Variants in DLG2 observed in about 807,000 individuals in gnomAD.
DLG2 encodes disks large homolog 2.
A neutral mutation model predicts 132.5 loss-of-function variants in DLG2; 45 were observed. The observed-to-expected ratio is 0.34, with a 90% CI of 0.27 to 0.44. The LOEUF (loss-of-function observed/expected upper bound fraction) is 0.44. Among genes scored for constraint, DLG2 ranks in the 20% least tolerant of loss-of-function variants. The pLI, the probability that DLG2 is intolerant of heterozygous loss-of-function variation, is 1.00. For missense variants in DLG2, 1,045 were observed against 1,196.9 expected (o/e 0.87, Z 1.87); for synonymous variants, 424 against 419.6 (o/e 1.01, Z -0.13).
intron 15 of DLG2, among the ~76,000 whole-genome samples, chr11:83,894,011 A>T (rs1384750): frequency 6.6e-6 from 1 of 152,178 alleles, no homozygotes; most frequent in African/African-American, 2.4e-5. Flanking sequence ...TCCAAACTTT[A>T]TCAAGGCATA....
intron 7 of DLG2, among the ~76,000 whole-genome samples, chr11:84,459,654 T>C (rs1022472056): frequency 5.3e-5 from 8 of 150,744 alleles, no homozygotes; most frequent in Non-Finnish European, 1.0e-4. Flanking sequence ...TGTAGTTTTA[T>C]TCATCTATAT....
intron 5 of DLG2, among the ~76,000 whole-genome samples, chr11:85,119,382 T>A (rs1054032007): frequency 5.9e-5 from 9 of 152,054 alleles, no homozygotes; most frequent in Middle Eastern, 3.2e-3. Context: ...AAGTTTGAGT[T>A]ATTACTATGC....
intron 15 of DLG2, among the ~76,000 whole-genome samples, chr11:83,906,257 TCACACACA>T (rs540642615): frequency 0.034 from 2,266 of 66,730 alleles, 133 homozygotes; most frequent in African/African-American, 0.066. Flanking sequence ...TCTCTCTCTC[TCACACACA>T]CACACACACA....
chr11:85,602,365 T>C (rs904704617), intron 2 of DLG2, among the ~76,000 whole-genome samples: 1 of 152,186 alleles, frequency 6.6e-6, no homozygotes, highest in African/African-American at 2.4e-5. Context: ...GCTGTCACCT[T>C]TGCCCTCCTA....
At chr11:83,505,885 T>C (rs2094672675) in intron 21 of DLG2, among the ~76,000 whole-genome samples, 1 of 152,186 alleles carries the variant, frequency 6.6e-6, no homozygotes. Flanking sequence ...CCCAGTCTTC[T>C]CTTCCTCTGT....
intron 18 of DLG2, among the ~76,000 whole-genome samples, chr11:83,729,602 G>C (rs2090622464): frequency 6.6e-6 from 1 of 152,076 alleles, no homozygotes; most frequent in Non-Finnish European, 1.5e-5. Context: ...AAACCAGCTG[G>C]ACCAGCCTTC....
At chr11:83,652,407 G>A (rs958027049) in intron 18 of DLG2, among the ~76,000 whole-genome samples, 8 of 152,208 alleles carry the variant, frequency 5.3e-5, no homozygotes, top group Admixed American at 5.2e-4. Context: ...GTCTCGCTCT[G>A]TCACCCAGGC....
chr11:84,907,463 T>C lies in DLG2; in HGVS notation c.357+204198A>G, dbSNP rs2091640820. The stretch of plus-strand genomic sequence containing the variant: ...ACAGTTCAATTAAACTAATATTTAC[T>C]GCAGGCCTAACATGTGCCTGATGCT... On this transcript the variant is annotated intron_variant, in intron 6 of 27. Coordinates refer to ENST00000376104, the MANE Select transcript of DLG2 (RefSeq NM_001142699.3). Among the ~76,000 whole-genome samples the C allele has an allele frequency of 1.3e-5, 2 of 152,296 alleles. 1 individual carries two copies. The highest frequency in any genetic ancestry group is 4.2e-4 in the South Asian group (2 of 4,816).
intron 11 of DLG2, among the ~76,000 whole-genome samples, chr11:84,038,018 T>A (rs12283683): frequency 0.1 from 15,498 of 152,070 alleles, 1,058 homozygotes; most frequent in African/African-American, 0.19. Flanking sequence ...AGGTTTGTTA[T>A]CTATGTAAAT....
At chr11:85,319,830 T>C (rs2080934238) in intron 3 of DLG2, among the ~76,000 whole-genome samples, 1 of 151,814 alleles carries the variant, frequency 6.6e-6, no homozygotes, top group Admixed American at 6.6e-5. Flanking sequence ...ACCTTCTCAA[T>C]TGCAACTTAA....
At chr11:85,513,874 G>T (rs2094125126) in intron 3 of DLG2, among the ~76,000 whole-genome samples, 1 of 151,896 alleles carries the variant, frequency 6.6e-6, no homozygotes. Context: ...AATCTGATTA[G>T]TTACCAAGTC....
intron 6 of DLG2, among the ~76,000 whole-genome samples, chr11:84,650,100 C>T (rs1469396910): frequency 3.3e-5 from 5 of 152,202 alleles, no homozygotes; most frequent in Admixed American, 6.5e-5. Context: ...TAATGTACCC[C>T]ATGAGCTGAA....
intron 6 of DLG2, among the ~76,000 whole-genome samples, chr11:84,884,732 C>T (rs2087942398): frequency 1.3e-5 from 2 of 151,902 alleles, no homozygotes; most frequent in South Asian, 4.1e-4. Flanking sequence ...CCAGGGGATA[C>T]AGTATTGCCT....
intron 6 of DLG2, among the ~76,000 whole-genome samples, chr11:84,657,286 G>A (rs187636092): frequency 6.6e-6 from 1 of 152,258 alleles, no homozygotes; most frequent in East Asian, 1.9e-4. Context: ...CTAAAAATGT[G>A]TGAGATAATC....
At chr11:85,298,760 A>G (rs1332923808) in intron 3 of DLG2, among the ~76,000 whole-genome samples, 1 of 152,118 alleles carries the variant, frequency 6.6e-6, no homozygotes, top group Non-Finnish European at 1.5e-5. Flanking sequence ...TCCCAATATT[A>G]CCATCTGATT....
intron 14 of DLG2, among the ~76,000 whole-genome samples, chr11:83,954,236 C>T (rs2086231171): frequency 6.6e-6 from 1 of 152,118 alleles, no homozygotes; most frequent in Non-Finnish European, 1.5e-5. Flanking sequence ...GGATGTTCCC[C>T]TTGAATTAAG....
intron 6 of DLG2, among the ~76,000 whole-genome samples, chr11:84,942,362 T>C (rs914556749): frequency 2.0e-5 from 3 of 152,314 alleles, no homozygotes; most frequent in African/African-American, 7.2e-5. Context: ...GTAAGAGTTA[T>C]TGCTATAAAC....
At chr11:84,373,465 G>C (rs1450305440) in intron 7 of DLG2, among the ~76,000 whole-genome samples, 1 of 151,940 alleles carries the variant, frequency 6.6e-6, no homozygotes, top group Non-Finnish European at 1.5e-5. Flanking sequence ...AGCTACTCAG[G>C]AGGCTGACGC....
chr11:84,596,190 GTC>G (rs59824224), intron 6 of DLG2, among the ~76,000 whole-genome samples: 399 of 144,450 alleles, frequency 2.8e-3, no homozygotes, highest in Middle Eastern at 0.011. Flanking sequence ...TCTTTTCTCT[GTC>G]TCTCTCTCTC....
Sources: gnomAD v4.1 joint callset for allele counts (sites outside exome capture counted in the v4.1 genomes callset) on GRCh38, gnomAD v4.1.1 for gene constraint, MANE v1.5 for transcripts, NCBI Gene and HGNC (gene_info 2026-07-23, HGNC 2026-07-21) for gene names.